Variants in SEH1L observed in about 807,000 individuals in gnomAD.
The protein encoded by SEH1L is SEH1 like nucleoporin.
In SEH1L, 18 loss-of-function variants were observed where a neutral mutation model predicts 49.5. The observed-to-expected ratio is 0.36, with a 90% CI of 0.25 to 0.54. The LOEUF (loss-of-function observed/expected upper bound fraction) is 0.54, where lower values mean the gene tolerates loss of function less well. Ranked by LOEUF, SEH1L falls within the 20% of genes least tolerant of loss-of-function variation. The pLI, the probability that SEH1L is intolerant of heterozygous loss-of-function variation, is 0.87. For missense variants in SEH1L, 404 were observed against 528.8 expected, an observed-to-expected ratio of 0.76 and a Z score of 2.31; for synonymous variants, 169 against 178.1, an observed-to-expected ratio of 0.95 and a Z score of 0.41.
chr18:12,959,851 A>C (rs947424355), intron 3 of SEH1L, among the ~76,000 whole-genome samples: 1 of 152,212 alleles, frequency 6.6e-6, no homozygotes. Context: ...TCCTCAATTC[A>C]GGCTTGTATC....
intron 4 of SEH1L, among the ~76,000 whole-genome samples, chr18:12,970,475 C>T (rs1009522653): frequency 6.6e-6 from 1 of 152,216 alleles, no homozygotes; most frequent in African/African-American, 2.4e-5. Flanking sequence ...GGCTAGAGTG[C>T]AGTGGCACGA....
chr18:12,979,113 C>G (rs1196119029), intron 6 of SEH1L, among the ~76,000 whole-genome samples: 6 of 149,612 alleles, frequency 4.0e-5, no homozygotes, highest in Non-Finnish European at 7.4e-5. Context: ...GTGTTTCTCC[C>G]AGAGGGGGAT....
intron 2 of SEH1L, 57 bp from the exon 3 acceptor site, chr18:12,955,406 A>T: frequency 3.3e-6 from 5 of 1,512,580 alleles, no homozygotes; most frequent in Non-Finnish European, 4.5e-6. Context: ...TTTAGGAAAA[A>T]AGAAGCCCTG....
intron 6 of SEH1L, among the ~76,000 whole-genome samples, chr18:12,980,986 G>A (rs2032222480): frequency 6.6e-6 from 1 of 151,408 alleles, no homozygotes; most frequent in African/African-American, 2.4e-5. Flanking sequence ...TTCCCAGACG[G>A]GGTGGCTGCC....
At chr18:12,961,148 T>C (rs775352541) in intron 3 of SEH1L, among the ~76,000 whole-genome samples, 1 of 152,172 alleles carries the variant, frequency 6.6e-6, no homozygotes, top group Non-Finnish European at 1.5e-5. Context: ...GCGTGTGCAG[T>C]GTGTTTACTG....
intron 4 of SEH1L, among the ~76,000 whole-genome samples, chr18:12,966,921 A>C (rs1235865414): frequency 6.6e-6 from 1 of 152,192 alleles, no homozygotes; most frequent in Non-Finnish European, 1.5e-5. Flanking sequence ...TTCTCCAGGT[A>C]TACATTTTTT....
At chr18:12,979,143 A>G (rs2032053189) in intron 6 of SEH1L, among the ~76,000 whole-genome samples, 1 of 150,304 alleles carries the variant, frequency 6.7e-6, no homozygotes, top group Middle Eastern at 3.2e-3. Context: ...TCATAGGACA[A>G]TAGTGGAGGG....
chr18:12,966,430 G>A (rs1248480467), intron 4 of SEH1L, among the ~76,000 whole-genome samples: 3 of 148,260 alleles, frequency 2.0e-5, no homozygotes, highest in Non-Finnish European at 4.5e-5. Context: ...ATTTGTTTTC[G>A]AGACACGTGT....
At chr18:12,970,496 C>G (rs1022622046) in intron 4 of SEH1L, among the ~76,000 whole-genome samples, 1 of 152,244 alleles carries the variant, frequency 6.6e-6, no homozygotes, top group Non-Finnish European at 1.5e-5. Flanking sequence ...TCATAGCTCA[C>G]TGCAGCCTCC....
At chr18:12,976,975 C>CA (rs534326620) in intron 5 of SEH1L, 3,362 of 99,184 alleles carry the variant, frequency 0.034, 38 homozygotes, top group East Asian at 0.059. Flanking sequence ...GACTCTGTCT[C>CA]AAAAAAAAAA....
intron 2 of SEH1L, among the ~76,000 whole-genome samples, chr18:12,953,683 CTT>C (rs2030685938): frequency 2.0e-5 from 3 of 152,084 alleles, no homozygotes; most frequent in Admixed American, 2.0e-4. Flanking sequence ...GTGAGGTTAA[CTT>C]ATAAAATTAA....
Position 12,986,977 on chromosome 18 carries a change from G to A in SEH1L, c.1186G>A (p.Ala396Thr). 1 of 1,613,690 alleles carries A rather than the reference G, an allele frequency of 6.2e-7. No homozygotes were observed. Among genetic ancestry groups the A allele is most frequent in the Non-Finnish European group, 8.5e-7 (1 of 1,179,850 alleles). ...LVEHSCDADT[A>T]NLQYPHPRRR... ...AGAGCACTCTTGCGATGCTGACACT[G>A]CCAACCTCCAGTATCCTCACCCTCG... The change falls in exon 9 of 9, where the codon GCC becomes ACC. Residue 396 changes from alanine to threonine, a missense_variant. This residue lies in a region of SEH1L where 342 missense variants were observed against 430.8 expected (regional missense o/e 0.79). Transcript: ENST00000399892.
At chr18:12,970,041 T>A (rs1475853010) in intron 4 of SEH1L, among the ~76,000 whole-genome samples, 1 of 152,252 alleles carries the variant, frequency 6.6e-6, no homozygotes, top group African/African-American at 2.4e-5. Flanking sequence ...GTACTTTTCT[T>A]AATTAGATAA....
chr18:12,953,045 G>C (rs59814486), intron 2 of SEH1L, among the ~76,000 whole-genome samples: 2 of 152,132 alleles, frequency 1.3e-5, no homozygotes, highest in Non-Finnish European at 2.9e-5. Flanking sequence ...GCCTTCCAAA[G>C]TGCTGGGATT....
chr18:12,951,079 C>T (rs1240856366), intron 1 of SEH1L, among the ~76,000 whole-genome samples: 2 of 152,148 alleles, frequency 1.3e-5, no homozygotes, highest in African/African-American at 4.8e-5. Flanking sequence ...CTGAAATTTA[C>T]TTGTACCCCA....
chr18:12,978,587 G>C, intron 5 of SEH1L, 165 bp from the exon 6 acceptor site: 1 of 554,676 alleles, frequency 1.8e-6, no homozygotes, highest in Non-Finnish European at 3.2e-6. Flanking sequence ...ACAGGGTCTG[G>C]GGGTCAGGAC....
intron 7 of SEH1L, among the ~76,000 whole-genome samples, chr18:12,983,771 G>C (rs2032362020): frequency 6.6e-6 from 1 of 151,990 alleles, no homozygotes; most frequent in Admixed American, 6.5e-5. Flanking sequence ...TGGTAGCTCA[G>C]AGAATTGTCT....
chr18:12,949,676 A>T (rs1211196481), intron 1 of SEH1L, among the ~76,000 whole-genome samples: 2 of 151,932 alleles, frequency 1.3e-5, no homozygotes, highest in Non-Finnish European at 1.5e-5. Flanking sequence ...GATGGTCTCT[A>T]TCTCCTGACC....
intron 1 of SEH1L, among the ~76,000 whole-genome samples, chr18:12,950,362 C>CT (rs766488737): frequency 5.0e-4 from 75 of 151,172 alleles, no homozygotes; most frequent in South Asian, 8.4e-4. Context: ...TTCCAGAGTA[C>CT]TTTTTTTTTA....
Sources: allele counts gnomAD v4.1 joint callset (sites outside exome capture counted in the v4.1 genomes callset), GRCh38; gene constraint gnomAD v4.1.1; regional missense constraint gnomAD v4.1.1; transcripts MANE v1.5; gene names NCBI Gene and HGNC (gene_info 2026-07-23, HGNC 2026-07-21).